RALGPS2: variants seen among roughly 807,000 people sequenced by gnomAD.
RALGPS2 encodes the protein Ral GEF with PH domain and SH3 binding motif 2.
In RALGPS2, 43 loss-of-function variants were observed where a neutral mutation model predicts 86.8. The observed-to-expected ratio is 0.50, with a 90% CI of 0.39 to 0.64. The LOEUF (loss-of-function observed/expected upper bound fraction) is 0.64. Ranked by LOEUF, RALGPS2 falls within the 30% of genes least tolerant of loss-of-function variation. The pLI is 0.00. For missense variants in RALGPS2, 536 were observed against 694.6 expected, an observed-to-expected ratio of 0.77 and a Z score of 2.57; for synonymous variants, 243 against 231.3, an observed-to-expected ratio of 1.05 and a Z score of -0.46.
At chr1:178,850,860 G>A (rs1657126352) in intron 8 of RALGPS2, 1 of 284,116 alleles carries the variant, frequency 3.5e-6, no homozygotes, top group Non-Finnish European at 6.4e-6. Flanking sequence ...TTACATTGTG[G>A]CAAATATTTA....
Position 178,891,602 on chromosome 1 carries a change from TA to T in RALGPS2, c.1248-627del, listed in dbSNP as rs201438655. On this transcript the variant is annotated intron_variant, in intron 14 of 19. Coordinates refer to ENST00000367635, the MANE Select transcript of RALGPS2 (RefSeq NM_152663.5). ...ATCAGTATTTTTATGTGTCTGTTTT[TA>T]TTTTTTTTGTTTTTAACTATTATGT... Among the ~76,000 whole-genome samples, 1,462 of 152,200 alleles carry T rather than the reference TA, an allele frequency of 9.6e-3. 18 individuals carry two copies. The highest frequency in any genetic ancestry group is 0.034 in the African/African-American group (1,393 of 41,510).
chr1:178,753,318 T>A (rs1027057543), intron 1 of RALGPS2, among the ~76,000 whole-genome samples: 5 of 152,314 alleles, frequency 3.3e-5, no homozygotes, highest in Admixed American at 1.3e-4. Flanking sequence ...CCTACAGCCA[T>A]GATTCTCTAT....
At chr1:178,819,765 G>C (rs1367305442) in intron 6 of RALGPS2, among the ~76,000 whole-genome samples, 3 of 152,040 alleles carry the variant, frequency 2.0e-5, no homozygotes, top group African/African-American at 7.2e-5. Flanking sequence ...CCAGACTTCT[G>C]GTATGTAGTC....
intron 8 of RALGPS2, chr1:178,850,987 C>G (rs1657136185): frequency 8.0e-6 from 6 of 750,218 alleles, no homozygotes; most frequent in Non-Finnish European, 1.2e-5. Context: ...TATAGGTTCC[C>G]TTTTATAGTT....
At chr1:178,856,504 A>T (rs1657597773) in intron 8 of RALGPS2, among the ~76,000 whole-genome samples, 2 of 135,472 alleles carry the variant, frequency 1.5e-5, no homozygotes, top group Admixed American at 1.7e-4. Flanking sequence ...CTCAAGTCGG[A>T]CTTCAGACTC....
chr1:178,851,563 A>C (rs1657178664), intron 8 of RALGPS2, among the ~76,000 whole-genome samples: 1 of 152,102 alleles, frequency 6.6e-6, no homozygotes, highest in African/African-American at 2.4e-5. Flanking sequence ...AGGGGGATTT[A>C]ATTTTCTAGT....
At chr1:178,733,244 TC>T (rs1417266485) in intron 1 of RALGPS2, among the ~76,000 whole-genome samples, 1 of 152,152 alleles carries the variant, frequency 6.6e-6, no homozygotes, top group East Asian at 1.9e-4. Flanking sequence ...AATAAGAACA[TC>T]TACTCATTAA....
intron 8 of RALGPS2, chr1:178,853,523 G>A (rs1657321609): frequency 3.3e-6 from 4 of 1,198,490 alleles, no homozygotes; most frequent in Non-Finnish European, 3.4e-6. Flanking sequence ...TTATTGCATA[G>A]CATCTTGTTT....
chr1:178,731,275 T>TG (rs1409859533), intron 1 of RALGPS2, among the ~76,000 whole-genome samples: 2 of 51,548 alleles, frequency 3.9e-5, no homozygotes, highest in Non-Finnish European at 4.1e-5. Context: ...TGTTTTGGTT[T>TG]TTTTTTTTTT....
At chr1:178,871,001 G>A (rs1658723294) in intron 8 of RALGPS2, 1 of 152,214 alleles carries the variant, frequency 6.6e-6, no homozygotes, top group Non-Finnish European at 1.5e-5. Flanking sequence ...AGCAGAGAAA[G>A]CGTTGTGGCT....
chr1:178,725,364 A>G lies in RALGPS2; in HGVS notation c.-139A>G. On this transcript the variant is annotated 5_prime_UTR_variant, in exon 1 of 20. Transcript: ENST00000367635. ...TAGGCGGCGGCGGCCGTGGCGGTGA[A>G]GCGTGAGGCCGGCATCGTCTTTCCG... is the stretch of plus-strand genomic sequence containing the variant. 1 of 150,490 alleles carries G rather than the reference A, an allele frequency of 6.6e-6. No homozygotes were observed. The highest frequency in any genetic ancestry group is 1.4e-5 in the Non-Finnish European group (1 of 69,510). 9.3% of individuals were successfully genotyped at this position (150,490 alleles called of 1,614,324 possible). A position where few individuals can be genotyped will look rare whatever the true frequency, so the allele number is the denominator to read the frequency against.
chr1:178,738,105 G>A (rs774971461), intron 1 of RALGPS2, among the ~76,000 whole-genome samples: 1 of 151,190 alleles, frequency 6.6e-6, no homozygotes, highest in Admixed American at 6.6e-5. Context: ...AACAAGTAGT[G>A]ATATGCTCAA....
chr1:178,850,081 G>C (rs928755523), intron 8 of RALGPS2: 5 of 152,612 alleles, frequency 3.3e-5, no homozygotes, highest in African/African-American at 1.2e-4. Flanking sequence ...TTAGCAGTTT[G>C]GACTAAGCTA....
chr1:178,817,957 C>A (rs1312115071), intron 6 of RALGPS2, among the ~76,000 whole-genome samples: 1 of 152,202 alleles, frequency 6.6e-6, no homozygotes, highest in East Asian at 1.9e-4. Flanking sequence ...TCCTTTCTGA[C>A]TTTTCTACCT....
chr1:178,843,677 A>T (rs1365329763), intron 8 of RALGPS2, among the ~76,000 whole-genome samples: 1 of 151,890 alleles, frequency 6.6e-6, no homozygotes, highest in African/African-American at 2.4e-5. Context: ...AGAAAGAAAG[A>T]AACCAAAAAG....
At chr1:178,892,072 T>C (rs1659735327) in intron 14 of RALGPS2, among the ~76,000 whole-genome samples, 158 bp from the exon 15 acceptor site, 1 of 152,220 alleles carries the variant, frequency 6.6e-6, no homozygotes, top group South Asian at 2.1e-4. Flanking sequence ...CTATGCTGCA[T>C]GCTTTAAAAA....
intron 6 of RALGPS2, among the ~76,000 whole-genome samples, chr1:178,820,942 C>T (rs1160965698): frequency 6.6e-6 from 1 of 152,124 alleles, no homozygotes; most frequent in Non-Finnish European, 1.5e-5. Flanking sequence ...TTAGACAGGA[C>T]TTGCAGGATA....
chr1:178,874,094 AAGT>A (rs941118341), intron 8 of RALGPS2, among the ~76,000 whole-genome samples: 1 of 152,192 alleles, frequency 6.6e-6, no homozygotes, highest in African/African-American at 2.4e-5. Flanking sequence ...AAATAGGCAA[AAGT>A]AGGAATACAG....
intron 1 of RALGPS2, among the ~76,000 whole-genome samples, chr1:178,735,479 G>A (rs1293891734): frequency 2.0e-5 from 3 of 147,804 alleles, no homozygotes; most frequent in South Asian, 2.1e-4. Flanking sequence ...GTGCAGTGGC[G>A]TGATCTCAGC....
Sources: gnomAD v4.1 joint callset for allele counts (sites outside exome capture counted in the v4.1 genomes callset) on GRCh38, gnomAD v4.1.1 for gene constraint, MANE v1.5 for transcripts, NCBI Gene and HGNC (gene_info 2026-07-23, HGNC 2026-07-21) for gene names.